SUGCT: variants seen among roughly 807,000 people sequenced by gnomAD.
SUGCT encodes succinyl-CoA:glutarate CoA-transferase.
In SUGCT, 41 loss-of-function variants were observed where a neutral mutation model predicts 55.0. That is an observed-to-expected ratio of 0.74 (90% CI 0.58 to 0.97). The LOEUF (loss-of-function observed/expected upper bound fraction) is 0.97. Ranked by LOEUF, SUGCT falls within the 50% of genes least tolerant of loss-of-function variation. SUGCT has a pLI of 0.00. For missense variants in SUGCT, 568 were observed against 547.8 expected (o/e 1.04, Z -0.37); for synonymous variants, 187 against 200.4 (o/e 0.93, Z 0.56).
intron 1 of SUGCT, among the ~76,000 whole-genome samples, chr7:40,148,197 A>T (rs946571067): frequency 6.6e-6 from 1 of 151,524 alleles, no homozygotes; most frequent in Non-Finnish European, 1.5e-5. Context: ...TAGGTAATCG[A>T]AAAAGGTTGC....
At chr7:40,998,745 TCTC>T in the SUGCT span, among the ~76,000 whole-genome samples, 29 of 152,274 alleles carry the variant, frequency 1.9e-4, no homozygotes, top group Middle Eastern at 3.4e-3. Flanking sequence ...ACAATGAGCT[TCTC>T]CTCATTGGTG....
intron 1 of SUGCT, chr7:40,151,682 A>G (rs905839145): frequency 1.4e-5 from 3 of 211,376 alleles, no homozygotes; most frequent in Non-Finnish European, 3.2e-5. Context: ...AGAGGTCTGC[A>G]CAAGTGACAG....
At chr7:41,032,889 G>A in the SUGCT span, among the ~76,000 whole-genome samples, 2 of 152,290 alleles carry the variant, frequency 1.3e-5, no homozygotes, top group East Asian at 3.9e-4. Context: ...TCAGCCTCCT[G>A]AGTAGCTGGG....
intron 12 of SUGCT, among the ~76,000 whole-genome samples, chr7:40,501,877 T>C (rs1237377108): frequency 6.6e-6 from 1 of 152,112 alleles, no homozygotes; most frequent in Admixed American, 6.5e-5. Context: ...ACTTGGGGTT[T>C]TCTTGTTTAA....
chr7:40,706,943 C>A (rs1227654359), intron 12 of SUGCT, among the ~76,000 whole-genome samples: 1 of 152,188 alleles, frequency 6.6e-6, no homozygotes, highest in Non-Finnish European at 1.5e-5. Flanking sequence ...TTAAAAGAGT[C>A]TTCACAAAGA....
chr7:40,537,354 A>T (rs1794419911), intron 12 of SUGCT, among the ~76,000 whole-genome samples: 1 of 152,210 alleles, frequency 6.6e-6, no homozygotes. Flanking sequence ...GTTTTAAAAA[A>T]TGCTATTTTT....
intron 12 of SUGCT, among the ~76,000 whole-genome samples, chr7:40,516,380 T>A (rs1793233324): frequency 6.6e-6 from 1 of 152,202 alleles, no homozygotes; most frequent in African/African-American, 2.4e-5. Context: ...ACATTATTAC[T>A]TGTGCTTTTG....
At chr7:40,153,810 G>A in intron 1 of SUGCT, 1 of 386,818 alleles carries the variant, frequency 2.6e-6, no homozygotes, top group Admixed American at 2.9e-5. Flanking sequence ...CTGTTCAATG[G>A]GATAAATGCA....
intron 13 of SUGCT, among the ~76,000 whole-genome samples, chr7:40,761,785 A>T (rs1788544266): frequency 6.6e-6 from 1 of 152,220 alleles, no homozygotes; most frequent in Non-Finnish European, 1.5e-5. Flanking sequence ...ATGGTCATTT[A>T]CTGGAGAAAT....
intron 12 of SUGCT, among the ~76,000 whole-genome samples, chr7:40,652,577 A>G (rs1000476740): frequency 6.6e-6 from 1 of 152,158 alleles, no homozygotes; most frequent in African/African-American, 2.4e-5. Context: ...CCTAGCTCCA[A>G]TTATCTAATA....
intron 7 of SUGCT, among the ~76,000 whole-genome samples, chr7:40,269,333 TA>T (rs1791844139): frequency 1.3e-5 from 2 of 152,062 alleles, no homozygotes; most frequent in African/African-American, 4.8e-5. Flanking sequence ...TTTATTTATT[TA>T]TTTTTTGAGA....
intron 12 of SUGCT, among the ~76,000 whole-genome samples, chr7:40,715,075 A>G (rs1188562253): frequency 1.3e-5 from 2 of 152,178 alleles, no homozygotes; most frequent in Non-Finnish European, 2.9e-5. Flanking sequence ...TGGAAAAAAA[A>G]AATTGTAAGG....
intron 13 of SUGCT, among the ~76,000 whole-genome samples, chr7:40,752,644 C>G (rs1788075136): frequency 6.6e-6 from 1 of 152,194 alleles, no homozygotes; most frequent in South Asian, 2.1e-4. Flanking sequence ...ATGTCAGCCA[C>G]TGTGCCCGGG....
chr7:40,250,245 A>G lies in SUGCT; in HGVS notation c.576+12519A>G, dbSNP rs531218154. On this transcript the variant is annotated intron_variant, in intron 7 of 13. Transcript: ENST00000335693. ...AAACCCCATGACTACAAAAAATACA[A>G]AAAAATTAGCGGGGCGTGGAGGTGC... 1.3e-4 allele frequency among the ~76,000 whole-genome samples: 20 copies of G among 152,038 alleles called. 1 individual carries two copies. Among genetic ancestry groups the G allele is most frequent in the African/African-American group, 4.6e-4 (19 of 41,504 alleles).
At chr7:40,954,382 C>T in the SUGCT span, among the ~76,000 whole-genome samples, 1 of 152,210 alleles carries the variant, frequency 6.6e-6, no homozygotes, top group Non-Finnish European at 1.5e-5. Context: ...AGGGAATTTC[C>T]TGACCCCTTG....
the SUGCT span, among the ~76,000 whole-genome samples, chr7:40,971,049 C>A: frequency 6.6e-6 from 1 of 151,904 alleles, no homozygotes; most frequent in Non-Finnish European, 1.5e-5. Context: ...TTTATTTTTT[C>A]AAAACAGAGG....
intron 12 of SUGCT, among the ~76,000 whole-genome samples, chr7:40,699,798 G>A (rs545481272): frequency 1.2e-4 from 19 of 152,226 alleles, no homozygotes; most frequent in African/African-American, 4.6e-4. Flanking sequence ...GAACCCGGGA[G>A]GTGGAGGCTG....
At chr7:40,679,068 A>G (rs1484572867) in intron 12 of SUGCT, among the ~76,000 whole-genome samples, 2 of 152,228 alleles carry the variant, frequency 1.3e-5, no homozygotes, top group African/African-American at 2.4e-5. Flanking sequence ...TGCAGAGCCC[A>G]GGCCACCCTT....
chr7:40,633,758 A>G (rs1799900579), intron 12 of SUGCT, among the ~76,000 whole-genome samples: 1 of 152,200 alleles, frequency 6.6e-6, no homozygotes, highest in South Asian at 2.1e-4. Context: ...GAGGAATACA[A>G]TGTGTGTGAT....
Sources: allele counts gnomAD v4.1 joint callset (sites outside exome capture counted in the v4.1 genomes callset), GRCh38; gene constraint gnomAD v4.1.1; transcripts MANE v1.5; gene names NCBI Gene and HGNC (gene_info 2026-07-23, HGNC 2026-07-21).